The following ARHGEF3 variants were observed in gnomAD, a reference collection of about 807,000 sequenced individuals.
The protein encoded by ARHGEF3 is Rho guanine nucleotide exchange factor 3.
ARHGEF3 carries 28 observed loss-of-function variants against 63.2 expected under a neutral mutation model. The ratio of observed to expected loss-of-function variants is 0.44; its 90% CI spans 0.33 to 0.61. The LOEUF is 0.61. Among genes scored for constraint, ARHGEF3 ranks in the 20% least tolerant of loss-of-function variants. ARHGEF3 has a pLI of 0.03. For missense variants in ARHGEF3, 533 were observed against 659.3 expected, an observed-to-expected ratio of 0.81 and a Z score of 2.10; for synonymous variants, 266 against 254.2, an observed-to-expected ratio of 1.05 and a Z score of -0.44.
chr3:56,788,349 T>C (rs7611544), intron 1 of ARHGEF3, among the ~76,000 whole-genome samples: 50,028 of 152,062 alleles, frequency 0.33, 9,330 homozygotes, highest in Middle Eastern at 0.57. Flanking sequence ...ATTGTCGTGT[T>C]GTTAATGACT....
At chr3:56,745,156 A>G in intron 7 of ARHGEF3, 49 bp downstream of exon 7, 13 of 1,580,332 alleles carry the variant, frequency 8.2e-6, no homozygotes, top group Non-Finnish European at 1.1e-5. Flanking sequence ...TCCACCAGCC[A>G]TTATGGTGGA....
chr3:56,964,555 C>A (rs1467811257), intron 2 of ARHGEF3, among the ~76,000 whole-genome samples: 1 of 152,146 alleles, frequency 6.6e-6, no homozygotes, highest in African/African-American at 2.4e-5. Flanking sequence ...GCAGCTACTA[C>A]ATGTCAGGCA....
chr3:57,018,087 T>A (rs1703096280), intron 2 of ARHGEF3, among the ~76,000 whole-genome samples: 1 of 152,104 alleles, frequency 6.6e-6, no homozygotes, highest in African/African-American at 2.4e-5. Flanking sequence ...GAGACCAGCC[T>A]GGCCAACATG....
At chr3:57,067,443 ACT>A (rs1485967166) in intron 1 of ARHGEF3, among the ~76,000 whole-genome samples, 1 of 140,542 alleles carries the variant, frequency 7.1e-6, no homozygotes, top group Non-Finnish European at 1.5e-5. Flanking sequence ...TGACAGCAAG[ACT>A]CTGTCTCAAA....
At chr3:56,915,576 A>C (rs551190355) in intron 3 of ARHGEF3, among the ~76,000 whole-genome samples, 9 of 152,240 alleles carry the variant, frequency 5.9e-5, no homozygotes, top group Non-Finnish European at 1.2e-4. Flanking sequence ...TGTAACCTTC[A>C]GAGCTCCTAA....
At chr3:57,077,264 T>A (rs1412243885) in intron 1 of ARHGEF3, among the ~76,000 whole-genome samples, 1 of 152,094 alleles carries the variant, frequency 6.6e-6, no homozygotes, top group Non-Finnish European at 1.5e-5. Flanking sequence ...GAAAAGTGTG[T>A]TCTGGGAGGG....
At chr3:56,874,500 CT>C (rs1182283599) in intron 4 of ARHGEF3, among the ~76,000 whole-genome samples, 1 of 152,208 alleles carries the variant, frequency 6.6e-6, no homozygotes, top group Non-Finnish European at 1.5e-5. Context: ...ATAAATCTCG[CT>C]GCTATTCCGT....
intron 3 of ARHGEF3, among the ~76,000 whole-genome samples, chr3:56,958,415 G>A (rs113248020): frequency 6.0e-5 from 9 of 150,326 alleles, no homozygotes; most frequent in African/African-American, 1.5e-4. Context: ...CACAACCTCC[G>A]TCTCCTGGGC....
At chr3:57,010,662 G>C (rs1411079040) in intron 2 of ARHGEF3, among the ~76,000 whole-genome samples, 1 of 152,130 alleles carries the variant, frequency 6.6e-6, no homozygotes, top group African/African-American at 2.4e-5. Context: ...CTTTAGGTGT[G>C]TAAAACTCCA....
chr3:56,807,013 A>G (rs1248981726), intron 4 of ARHGEF3, among the ~76,000 whole-genome samples: 1 of 151,932 alleles, frequency 6.6e-6, no homozygotes, highest in Non-Finnish European at 1.5e-5. Flanking sequence ...CCTCCTGAGT[A>G]GCTGGGATTA....
At chr3:56,770,948 C>T (rs2035973609) in intron 2 of ARHGEF3, among the ~76,000 whole-genome samples, 1 of 152,130 alleles carries the variant, frequency 6.6e-6, no homozygotes, top group African/African-American at 2.4e-5. Context: ...ACCATCTCTA[C>T]TAAAAATACA....
chr3:57,073,488 G>A (rs1399704634), intron 1 of ARHGEF3: 5 of 712,524 alleles, frequency 7.0e-6, no homozygotes, highest in Non-Finnish European at 1.1e-5. Flanking sequence ...TGTGAACATG[G>A]GAAAACCTCT....
intron 3 of ARHGEF3, among the ~76,000 whole-genome samples, chr3:56,921,154 C>G (rs1019508831): frequency 6.7e-6 from 1 of 149,518 alleles, no homozygotes; most frequent in Admixed American, 6.6e-5. Context: ...GGCTTGAGCC[C>G]GGGAGTTCAA....
chr3:57,025,878 A>G (rs1445618808), intron 2 of ARHGEF3, among the ~76,000 whole-genome samples: 1 of 152,110 alleles, frequency 6.6e-6, no homozygotes, highest in Non-Finnish European at 1.5e-5. Context: ...GATTCCTCCT[A>G]CTTGGGCTCT....
intron 3 of ARHGEF3, among the ~76,000 whole-genome samples, chr3:56,890,061 CAATA>C (rs61496923): frequency 0.63 from 95,391 of 151,006 alleles, 30,337 homozygotes; most frequent in East Asian, 0.83. Flanking sequence ...GACTCCTTCT[CAATA>C]AATAAATAAA....
At chr3:56,908,404 G>T (rs892712296) in intron 3 of ARHGEF3, among the ~76,000 whole-genome samples, 1 of 152,160 alleles carries the variant, frequency 6.6e-6, no homozygotes, top group Non-Finnish European at 1.5e-5. Context: ...CTCCGCGTCC[G>T]TATACACAGC....
At chr3:56,946,436 A>AC (rs1342471749) in intron 3 of ARHGEF3, among the ~76,000 whole-genome samples, 3 of 152,208 alleles carry the variant, frequency 2.0e-5, no homozygotes, top group Non-Finnish European at 4.4e-5. Flanking sequence ...TCCTTAAAGG[A>AC]CTGATGGAGC....
In ARHGEF3 at chr3:56,729,543, G is replaced by A; in HGVS notation, c.1308C>T (p.Asn436=). 6.2e-7 allele frequency: 1 copy of A among 1,614,152 alleles called. No individual in the cohort carries two copies. The stretch of plus-strand genomic sequence containing the variant: ...GAATACAGTTAAGCCACTGCTGTTT[G>A]TTGAAAGTGTCATTGGCTTGTAGCG... The part of the protein sequence containing the change: ...THSLQANDTF[N]KQQWLNCIRQ... Residue 436 remains asparagine (N), a synonymous_variant, in exon 10 of 10, where the codon AAC becomes AAT. Coordinates refer to ENST00000296315, the MANE Select transcript of ARHGEF3 (RefSeq NM_019555.3).
intron 4 of ARHGEF3, among the ~76,000 whole-genome samples, chr3:56,820,081 A>G (rs553144787): frequency 1.4e-4 from 21 of 152,284 alleles, no homozygotes; most frequent in African/African-American, 5.1e-4. Context: ...AAATGTTGGG[A>G]TTACAGGGGT....
Sources: allele counts gnomAD v4.1 joint callset (sites outside exome capture counted in the v4.1 genomes callset), GRCh38; gene constraint gnomAD v4.1.1; transcripts MANE v1.5; gene names NCBI Gene and HGNC (gene_info 2026-07-23, HGNC 2026-07-21).